GLIS1: variants seen among roughly 807,000 people sequenced by gnomAD.
The protein encoded by GLIS1 is zinc finger protein GLIS1.
In GLIS1, 24 loss-of-function variants were observed where a neutral mutation model predicts 63.8. That is an observed-to-expected ratio of 0.38 (90% CI 0.27 to 0.53). GLIS1 has a LOEUF of 0.53. GLIS1 is among the 20% of genes least tolerant of loss of function. The probability of loss-of-function intolerance (pLI) is 0.85; values close to 1 mark genes in which losing one functional copy is unlikely to be tolerated. For missense variants in GLIS1, 1,036 were observed against 1,074.1 expected, an observed-to-expected ratio of 0.96 and a Z score of 0.50; for synonymous variants, 450 against 482.5, an observed-to-expected ratio of 0.93 and a Z score of 0.88.
chr1:53,593,661 T>C (rs1387919664), intron 4 of GLIS1, among the ~76,000 whole-genome samples: 1 of 152,094 alleles, frequency 6.6e-6, no homozygotes, highest in African/African-American at 2.4e-5. Context: ...TAGGCAGCAC[T>C]AGAAGGCCCA....
intron 4 of GLIS1, among the ~76,000 whole-genome samples, chr1:53,577,225 G>T (rs1251339114): frequency 6.6e-6 from 1 of 151,644 alleles, no homozygotes; most frequent in Non-Finnish European, 1.5e-5. Context: ...ACCCCCCTGG[G>T]GCCCTCTGGC....
chr1:53,693,707 GAA>G (rs1391270168), intron 2 of GLIS1, among the ~76,000 whole-genome samples: 4 of 152,154 alleles, frequency 2.6e-5, no homozygotes, highest in African/African-American at 9.7e-5. Context: ...TGGCGGCACT[GAA>G]GAGGGGAGGG....
chr1:53,596,630 A>G (rs1315037032), intron 3 of GLIS1, among the ~76,000 whole-genome samples: 1 of 152,164 alleles, frequency 6.6e-6, no homozygotes, highest in Non-Finnish European at 1.5e-5. Flanking sequence ...GGCTCTCTGC[A>G]GCCAGAGCTG....
At position 53,526,463 on chromosome 1, in the gene GLIS1, G is replaced by T. The variant is rs963244236; in HGVS notation, c.1483-1576C>A. On this transcript the variant is annotated intron_variant, in intron 5 of 10. Coordinates refer to ENST00000628545, the MANE Select transcript of GLIS1 (RefSeq NM_001367484.1). The surrounding 1 kb of genome is among the most constrained non-coding windows in gnomAD (Gnocchi z 4.4). ...GGGAGGGAGAGCGGAGGCCTGCCGCGGATGGCCCCTGCTGCCCCCAGCCCA... is the reference window on the plus strand; with the variant it reads ...GGGAGGGAGAGCGGAGGCCTGCCGCTGATGGCCCCTGCTGCCCCCAGCCCA... Among the ~76,000 whole-genome samples, 2 of 152,172 alleles carry T rather than the reference G, an allele frequency of 1.3e-5. No individual in the cohort carries two copies. The highest frequency in any genetic ancestry group is 4.8e-5 in the African/African-American group (2 of 41,490).
At chr1:53,725,061 T>C (rs1484992705) in intron 2 of GLIS1, among the ~76,000 whole-genome samples, 2 of 151,144 alleles carry the variant, frequency 1.3e-5, no homozygotes, top group Non-Finnish European at 2.9e-5. Flanking sequence ...ATGGAGAGAG[T>C]GGGAATGGGA....
intron 2 of GLIS1, among the ~76,000 whole-genome samples, chr1:53,616,305 A>C (rs978873962): frequency 1.3e-5 from 2 of 152,218 alleles, no homozygotes; most frequent in African/African-American, 4.8e-5. Context: ...TGCAGAGGAA[A>C]TGGCTGTTGA....
chr1:53,599,770 C>T (rs1413419434), intron 3 of GLIS1, among the ~76,000 whole-genome samples: 1 of 152,242 alleles, frequency 6.6e-6, no homozygotes, highest in East Asian at 1.9e-4. Flanking sequence ...GCCCTATCAG[C>T]AGTTCAGGGT....
chr1:53,606,797 C>T (rs1569907593), intron 2 of GLIS1, among the ~76,000 whole-genome samples: 1 of 152,246 alleles, frequency 6.6e-6, no homozygotes, highest in East Asian at 1.9e-4. Context: ...CGCGGCCTCA[C>T]GCCGGGCTTC....
intron 4 of GLIS1, among the ~76,000 whole-genome samples, chr1:53,572,436 A>G (rs1644992541): frequency 6.6e-6 from 1 of 152,182 alleles, no homozygotes; most frequent in South Asian, 2.1e-4. Flanking sequence ...CAGACACCCC[A>G]TCCACCTGAT....
At chr1:53,614,201 G>T (rs1159002845) in intron 2 of GLIS1, among the ~76,000 whole-genome samples, 3 of 152,134 alleles carry the variant, frequency 2.0e-5, no homozygotes, top group Non-Finnish European at 4.4e-5. Flanking sequence ...CCAATAACAG[G>T]ACAGTTTCAA....
chr1:53,628,439 G>A (rs1001152113), intron 2 of GLIS1, among the ~76,000 whole-genome samples: 4 of 152,122 alleles, frequency 2.6e-5, no homozygotes, highest in South Asian at 2.1e-4. Context: ...TGGCTCACTC[G>A]ACACGCTTTT....
At chr1:53,597,301 A>T (rs545215666) in intron 3 of GLIS1, among the ~76,000 whole-genome samples, 6 of 136,052 alleles carry the variant, frequency 4.4e-5, no homozygotes, top group African/African-American at 1.7e-4. Context: ...TGAACCCGGG[A>T]GGCGGAGCTT....
At chr1:53,607,850 T>C (rs1460084582) in intron 2 of GLIS1, among the ~76,000 whole-genome samples, 1 of 152,124 alleles carries the variant, frequency 6.6e-6, no homozygotes, top group Non-Finnish European at 1.5e-5. Context: ...TGGTTTCTGG[T>C]AAGGGCTCTC....
chr1:53,617,307 T>C (rs1248800833), intron 2 of GLIS1, among the ~76,000 whole-genome samples: 1 of 152,154 alleles, frequency 6.6e-6, no homozygotes. Context: ...CTTTCTAATA[T>C]CTTGCCAGAT....
At chr1:53,525,305 G>A (rs1341450462) in intron 5 of GLIS1, among the ~76,000 whole-genome samples, 1 of 150,888 alleles carries the variant, frequency 6.6e-6, no homozygotes, top group Non-Finnish European at 1.5e-5. Flanking sequence ...GAGGGGAAGG[G>A]GGCACCCACA....
At chr1:53,566,340 A>G (rs1022159174) in intron 4 of GLIS1, among the ~76,000 whole-genome samples, 14 of 152,172 alleles carry the variant, frequency 9.2e-5, no homozygotes, top group Admixed American at 1.3e-4. Context: ...AAAATCCAAA[A>G]GAAGAGATGA....
rs150028331 is a variant in GLIS1, at chr1:53,696,948, C to T, written c.259+40858G>A. Among the ~76,000 whole-genome samples, 141 of 152,352 alleles carry T rather than the reference C, an allele frequency of 9.3e-4. 1 individual carries two copies. The highest frequency in any genetic ancestry group is 3.2e-3 in the African/African-American group (135 of 41,570). On this transcript the variant is annotated intron_variant, in intron 2 of 10. Coordinates refer to ENST00000628545, the MANE Select transcript of GLIS1 (RefSeq NM_001367484.1). Reference sequence around the variant, plus strand: ...GAGTCTGGGCACAGAATACCTTCCACGTGGCATCCCCATACAGCCCCTCTC... The same window carrying T: ...GAGTCTGGGCACAGAATACCTTCCATGTGGCATCCCCATACAGCCCCTCTC...
At chr1:53,640,097 T>TA (rs1645770002) in intron 2 of GLIS1, among the ~76,000 whole-genome samples, 2 of 152,232 alleles carry the variant, frequency 1.3e-5, no homozygotes, top group East Asian at 3.8e-4. Context: ...ATACTAGCCC[T>TA]AGGTCACAAA....
At chr1:53,685,604 G>T (rs1249430726) in intron 2 of GLIS1, among the ~76,000 whole-genome samples, 1 of 151,056 alleles carries the variant, frequency 6.6e-6, no homozygotes, top group Non-Finnish European at 1.5e-5. Context: ...TGAGTTCTTT[G>T]TGTTTTTTCC....
Sources: allele counts gnomAD v4.1 joint callset (sites outside exome capture counted in the v4.1 genomes callset), GRCh38; gene constraint gnomAD v4.1.1; non-coding constraint Gnocchi (gnomAD v3.1); transcripts MANE v1.5; gene names NCBI Gene and HGNC (gene_info 2026-07-23, HGNC 2026-07-21).